The following PTPRN2 variants were observed in gnomAD, a reference collection of about 807,000 sequenced individuals.
PTPRN2 encodes the protein receptor-type tyrosine-protein phosphatase N2.
PTPRN2 carries 74 observed loss-of-function variants against 118.8 expected under a neutral mutation model. The observed-to-expected ratio is 0.62, with a 90% CI of 0.52 to 0.76. The LOEUF (loss-of-function observed/expected upper bound fraction) is 0.76, where lower values mean the gene tolerates loss of function less well. Ranked by LOEUF, PTPRN2 falls within the 30% of genes least tolerant of loss-of-function variation. The pLI, the probability that PTPRN2 is intolerant of heterozygous loss-of-function variation, is 0.00. For missense variants in PTPRN2, 1,481 were observed against 1,394.4 expected (o/e 1.06, Z -0.99); for synonymous variants, 641 against 608.0 (o/e 1.05, Z -0.80).
intron 2 of PTPRN2, among the ~76,000 whole-genome samples, chr7:158,404,845 C>T (rs1286156648): frequency 9.8e-4 from 130 of 132,806 alleles, no homozygotes; most frequent in African/African-American, 3.7e-3. Context: ...CCCAGCTCCC[C>T]GGCCTCCAGC....
chr7:158,188,845 T>C (rs1174731821), intron 5 of PTPRN2, among the ~76,000 whole-genome samples: 1 of 152,160 alleles, frequency 6.6e-6, no homozygotes, highest in South Asian at 2.1e-4. Context: ...CCTAGTGCAG[T>C]AAGCCAGGAA....
At chr7:158,538,787 G>A (rs1182516908) in intron 1 of PTPRN2, among the ~76,000 whole-genome samples, 1 of 152,164 alleles carries the variant, frequency 6.6e-6, no homozygotes, top group Non-Finnish European at 1.5e-5. Flanking sequence ...CTCGTGCAGG[G>A]CCCTGACTCC....
intron 9 of PTPRN2, 86 bp downstream of exon 9, chr7:158,133,591 G>A (rs1176512344): frequency 1.0e-5 from 15 of 1,486,644 alleles, no homozygotes; most frequent in South Asian, 2.7e-5. Flanking sequence ...GTATGCATCC[G>A]CCACAGCAAG....
At chr7:158,584,926 T>C (rs1039908506) in intron 1 of PTPRN2, among the ~76,000 whole-genome samples, 1 of 152,210 alleles carries the variant, frequency 6.6e-6, no homozygotes, top group Non-Finnish European at 1.5e-5. Flanking sequence ...TACAAGGCTG[T>C]TTGACGTAAC....
intron 10 of PTPRN2, among the ~76,000 whole-genome samples, chr7:158,092,724 C>A (rs752656139): frequency 1.3e-5 from 2 of 152,108 alleles, no homozygotes; most frequent in Non-Finnish European, 2.9e-5. Flanking sequence ...CTATATCTGG[C>A]TGAACATAAT....
At chr7:158,272,962 C>T (rs1049430436) in intron 3 of PTPRN2, among the ~76,000 whole-genome samples, 1 of 152,194 alleles carries the variant, frequency 6.6e-6, no homozygotes, top group African/African-American at 2.4e-5. Context: ...TTGGGACTCT[C>T]GTTTCACTCA....
intron 2 of PTPRN2, among the ~76,000 whole-genome samples, chr7:158,318,398 C>G (rs1475887602): frequency 1.3e-5 from 2 of 152,242 alleles, no homozygotes; most frequent in South Asian, 2.1e-4. Context: ...GGCAGCACGT[C>G]GAGACGGCCC....
intron 2 of PTPRN2, among the ~76,000 whole-genome samples, chr7:158,424,590 G>A (rs1378594709): frequency 3.3e-5 from 5 of 152,258 alleles, no homozygotes; most frequent in Non-Finnish European, 5.9e-5. Flanking sequence ...ACACATGCCA[G>A]CACGCGTAAT....
chr7:158,193,166 G>A (rs1323809031), intron 4 of PTPRN2, among the ~76,000 whole-genome samples: 1 of 152,222 alleles, frequency 6.6e-6, no homozygotes, highest in East Asian at 1.9e-4. Context: ...CTTCCCGTGG[G>A]CAGACACATG....
intron 13 of PTPRN2, among the ~76,000 whole-genome samples, chr7:157,657,692 CAT>C (rs1350267250): frequency 1.6e-5 from 2 of 125,822 alleles, no homozygotes; most frequent in African/African-American, 6.1e-5. Context: ...ACACATCACA[CAT>C]ATACACACAC....
intron 11 of PTPRN2, among the ~76,000 whole-genome samples, chr7:158,006,951 TCA>T (rs1324227000): frequency 6.6e-6 from 1 of 152,132 alleles, no homozygotes; most frequent in African/African-American, 2.4e-5. Flanking sequence ...CTAACAAGCC[TCA>T]CAGCCTGAGC....
At chr7:157,665,130 T>C (rs972352938) in intron 13 of PTPRN2, among the ~76,000 whole-genome samples, 1 of 152,216 alleles carries the variant, frequency 6.6e-6, no homozygotes, top group African/African-American at 2.4e-5. Context: ...CACTGACACA[T>C]TTTTGGCAAA....
At chr7:158,188,765 C>T (rs915787781) in intron 5 of PTPRN2, among the ~76,000 whole-genome samples, 2 of 151,306 alleles carry the variant, frequency 1.3e-5, no homozygotes, top group Admixed American at 6.6e-5. Context: ...CCGCCACGCT[C>T]ACCCGCTGTA....
rs191637932 is a variant in PTPRN2, at chr7:157,589,168, T to C, written c.2496+6070A>G. On this transcript the variant is annotated intron_variant, in intron 17 of 22. Coordinates refer to ENST00000389418, the MANE Select transcript of PTPRN2 (RefSeq NM_002847.5). ...CCCCTAGATTCATACTAGGCTTCTA[T>C]GAATCTGACGCCTCCGGGGACCCCA... Among the ~76,000 whole-genome samples the C allele has an allele frequency of 1.5e-3, 223 of 152,268 alleles. 1 individual carries two copies. The highest frequency in any genetic ancestry group is 4.9e-3 in the African/African-American group (204 of 41,556).
intron 14 of PTPRN2, among the ~76,000 whole-genome samples, chr7:157,649,981 A>G (rs934401725): frequency 6.6e-6 from 1 of 151,418 alleles, no homozygotes; most frequent in Admixed American, 6.6e-5. Flanking sequence ...GCGTGCACTG[A>G]ACTCGGTGGG....
At chr7:157,804,977 C>T (rs1805536624) in intron 12 of PTPRN2, among the ~76,000 whole-genome samples, 1 of 152,340 alleles carries the variant, frequency 6.6e-6, no homozygotes, top group Non-Finnish European at 1.5e-5. Context: ...GCCCTTGCTG[C>T]CCCTGAGCTC....
intron 12 of PTPRN2, among the ~76,000 whole-genome samples, chr7:157,795,006 G>A (rs995672183): frequency 2.6e-5 from 4 of 152,236 alleles, no homozygotes; most frequent in African/African-American, 9.6e-5. Context: ...ATGGATCCCT[G>A]TGCGTCGCAG....
chr7:158,018,741 A>T (rs1806628001), intron 11 of PTPRN2, among the ~76,000 whole-genome samples: 1 of 152,082 alleles, frequency 6.6e-6, no homozygotes, highest in South Asian at 2.1e-4. Flanking sequence ...CGGGAGGATC[A>T]CCTGAGATCA....
chr7:157,952,515 G>A (rs979221447), intron 11 of PTPRN2, among the ~76,000 whole-genome samples: 29 of 152,012 alleles, frequency 1.9e-4, no homozygotes, highest in East Asian at 5.8e-4. Context: ...CGCTGACTCC[G>A]TGGTGGAACG....
Sources: allele counts gnomAD v4.1 joint callset (sites outside exome capture counted in the v4.1 genomes callset), GRCh38; gene constraint gnomAD v4.1.1; transcripts MANE v1.5; gene names NCBI Gene and HGNC (gene_info 2026-07-23, HGNC 2026-07-21).